Variants in B3GALT1 observed in about 807,000 individuals in gnomAD.
The protein encoded by B3GALT1 is UDP-Gal:betaGlcNAc beta 1,3-galactosyltransferase, polypeptide 1.
Under a neutral mutation model 23.2 loss-of-function variants are expected in B3GALT1, and 10 were observed. That is an observed-to-expected ratio of 0.43 (90% CI 0.27 to 0.73). The LOEUF (loss-of-function observed/expected upper bound fraction) is 0.73. B3GALT1 is among the 30% of genes least tolerant of loss of function. B3GALT1 has a pLI of 0.21. For synonymous variants in B3GALT1, 156 were observed against 141.5 expected (o/e 1.10, Z -0.73); for missense variants, 299 against 405.4 (o/e 0.74, Z 2.25).
At chr2:167,645,318 T>C (rs1393705414) in intron 2 of B3GALT1, among the ~76,000 whole-genome samples, 1 of 152,196 alleles carries the variant, frequency 6.6e-6, no homozygotes, top group Non-Finnish European at 1.5e-5. Context: ...TTAAATTTCT[T>C]GGCAATATTA....
intron 1 of B3GALT1, among the ~76,000 whole-genome samples, chr2:167,365,947 A>G (rs1224382210): frequency 1.3e-5 from 2 of 152,204 alleles, no homozygotes; most frequent in Non-Finnish European, 2.9e-5. Flanking sequence ...GACTGGCCAA[A>G]GGCTACAGAT....
intron 4 of B3GALT1, among the ~76,000 whole-genome samples, chr2:167,841,648 C>T (rs552769836): frequency 6.6e-6 from 1 of 152,336 alleles, no homozygotes; most frequent in Admixed American, 6.5e-5. Flanking sequence ...TCCCCCTTCT[C>T]CTAAGAGAGT....
intron 2 of B3GALT1, among the ~76,000 whole-genome samples, chr2:167,516,314 C>G (rs1056070851): frequency 6.6e-6 from 1 of 152,108 alleles, no homozygotes; most frequent in African/African-American, 2.4e-5. Flanking sequence ...AAGCCATCCT[C>G]AACACTTCTG....
chr2:167,439,748 T>C (rs1698847589), intron 1 of B3GALT1, among the ~76,000 whole-genome samples: 1 of 152,130 alleles, frequency 6.6e-6, no homozygotes, highest in African/African-American at 2.4e-5. Flanking sequence ...ATCTATTAAC[T>C]TTCCTGTGAA....
chr2:167,751,548 T>G (rs1441874817), intron 3 of B3GALT1, among the ~76,000 whole-genome samples: 1 of 151,946 alleles, frequency 6.6e-6, no homozygotes. Flanking sequence ...GAATTAGGAG[T>G]TATGAGGATA....
At chr2:167,317,836 AT>A (rs1696742230) in intron 1 of B3GALT1, among the ~76,000 whole-genome samples, 1 of 152,052 alleles carries the variant, frequency 6.6e-6, no homozygotes, top group Admixed American at 6.6e-5. Flanking sequence ...TATTTTCAGA[AT>A]TTCTGGAAGG....
intron 2 of B3GALT1, among the ~76,000 whole-genome samples, chr2:167,638,466 C>T (rs1445836269): frequency 6.6e-6 from 1 of 152,024 alleles, no homozygotes; most frequent in Admixed American, 6.6e-5. Flanking sequence ...TTTCATGTGT[C>T]ACTGTACCAC....
At chr2:167,691,205 C>T (rs1359437011) in intron 3 of B3GALT1, among the ~76,000 whole-genome samples, 1 of 152,096 alleles carries the variant, frequency 6.6e-6, no homozygotes, top group Non-Finnish European at 1.5e-5. Flanking sequence ...TTGTTTCCTT[C>T]TTCAGAGCTG....
At chr2:167,682,777 A>G (rs1686555068) in intron 3 of B3GALT1, among the ~76,000 whole-genome samples, 1 of 152,210 alleles carries the variant, frequency 6.6e-6, no homozygotes, top group African/African-American at 2.4e-5. Flanking sequence ...ATAGGAATCT[A>G]TGTCCCTAGA....
intron 3 of B3GALT1, among the ~76,000 whole-genome samples, chr2:167,811,007 A>G (rs553237442): frequency 7.2e-5 from 11 of 152,234 alleles, no homozygotes; most frequent in Admixed American, 5.2e-4. Flanking sequence ...CAAGCTGTCC[A>G]GGTGATGTAT....
chr2:167,683,425 C>T (rs1266425493), intron 3 of B3GALT1, among the ~76,000 whole-genome samples: 1 of 152,130 alleles, frequency 6.6e-6, no homozygotes, highest in Non-Finnish European at 1.5e-5. Flanking sequence ...GAAGTCATAG[C>T]CCAGATAAAA....
intron 2 of B3GALT1, among the ~76,000 whole-genome samples, chr2:167,563,487 G>A (rs1468768614): frequency 2.1e-5 from 2 of 95,144 alleles, no homozygotes; most frequent in Non-Finnish European, 4.1e-5. Flanking sequence ...AGGGGCGGCC[G>A]GGCAGAGGCG....
At chr2:167,604,086 A>G (rs1684921108) in intron 2 of B3GALT1, among the ~76,000 whole-genome samples, 1 of 152,206 alleles carries the variant, frequency 6.6e-6, no homozygotes, top group Admixed American at 6.5e-5. Context: ...TGTACTTTTT[A>G]TACTAAAAAT....
chr2:167,406,787 G>A (rs1172021554), intron 1 of B3GALT1, among the ~76,000 whole-genome samples: 1 of 152,128 alleles, frequency 6.6e-6, no homozygotes, highest in African/African-American at 2.4e-5. Context: ...CTGTCGGATG[G>A]TACATTCCAC....
intron 3 of B3GALT1, among the ~76,000 whole-genome samples, chr2:167,816,898 C>G (rs953362382): frequency 1.3e-5 from 2 of 152,138 alleles, no homozygotes; most frequent in East Asian, 3.8e-4. Context: ...CTGTCTTATG[C>G]TTACTTACAT....
At chr2:167,842,584 T>G (rs1377904234) in intron 4 of B3GALT1, among the ~76,000 whole-genome samples, 1 of 152,184 alleles carries the variant, frequency 6.6e-6, no homozygotes, top group East Asian at 1.9e-4. Context: ...TTAATAATAT[T>G]AATATTTGGC....
In B3GALT1 at chr2:167,433,555, A is replaced by G. The variant is rs147209524; in HGVS notation, c.-510-56622A>G. The stretch of plus-strand genomic sequence containing the variant: ...TAAAATGGAGCCCTCTCAGAGATCA[A>G]TAATATAGGAAACTAAGGTTCTGAA... On this transcript the variant is annotated intron_variant, in intron 1 of 4. Transcript: ENST00000392690. Among the ~76,000 whole-genome samples the G allele has an allele frequency of 5.9e-3, 900 of 152,346 alleles. 1 individual carries two copies. The highest frequency in any genetic ancestry group is 0.024 in the Middle Eastern group (7 of 294).
chr2:167,841,642 C>G (rs532476808), intron 4 of B3GALT1, among the ~76,000 whole-genome samples: 3 of 152,334 alleles, frequency 2.0e-5, no homozygotes, highest in South Asian at 2.1e-4. Flanking sequence ...CCAGCCTCCC[C>G]CTTCTCCTAA....
chr2:167,663,670 G>A (rs1395381664), intron 3 of B3GALT1, among the ~76,000 whole-genome samples: 1 of 150,326 alleles, frequency 6.7e-6, no homozygotes, highest in African/African-American at 2.4e-5. Context: ...TTGTGAGATG[G>A]TATCTCATTG....
Sources: gnomAD v4.1 joint callset for allele counts (sites outside exome capture counted in the v4.1 genomes callset) on GRCh38, gnomAD v4.1.1 for gene constraint, MANE v1.5 for transcripts, NCBI Gene and HGNC (gene_info 2026-07-23, HGNC 2026-07-21) for gene names.